The following NRG3 variants were observed in gnomAD, a reference collection of about 807,000 sequenced individuals.
NRG3 encodes the protein pro-neuregulin-3, membrane-bound isoform.
Under a neutral mutation model 66.9 loss-of-function variants are expected in NRG3, and 31 were observed. That is an observed-to-expected ratio of 0.46 (90% CI 0.35 to 0.63). The LOEUF (loss-of-function observed/expected upper bound fraction) is 0.63, where lower values mean the gene tolerates loss of function less well. Among genes scored for constraint, NRG3 ranks in the 20% least tolerant of loss-of-function variants. The pLI is 0.00. For synonymous variants in NRG3, 393 were observed against 359.4 expected (o/e 1.09, Z -1.06); for missense variants, 910 against 878.9 (o/e 1.04, Z -0.45).
At chr10:82,642,814 A>T (rs1448764366) in intron 2 of NRG3, among the ~76,000 whole-genome samples, 1 of 152,040 alleles carries the variant, frequency 6.6e-6, no homozygotes, top group East Asian at 1.9e-4. Flanking sequence ...GTGAACACTG[A>T]ATATTTGATT....
rs1354835159 is a variant in NRG3 at position 81,923,968 on chromosome 10, T to G, written c.823+47805T>G. The stretch of plus-strand genomic sequence containing the variant: ...TAGGCCAGCAGTCTTGTTGTATGTC[T>G]GCAGCACTGAAATAGGTGCTCGTTA... On this transcript the variant is annotated intron_variant, in intron 1 of 8. Coordinates refer to ENST00000372141, the MANE Select transcript of NRG3 (RefSeq NM_001010848.4). Among the ~76,000 whole-genome samples the G allele has an allele frequency of 3.3e-5, 5 of 152,228 alleles. No individual in the cohort carries two copies. In the East Asian group the frequency reaches 9.6e-4, roughly 29 times the overall value.
At chr10:82,844,687 T>C (rs61860665) in intron 3 of NRG3, among the ~76,000 whole-genome samples, 2 of 147,640 alleles carry the variant, frequency 1.4e-5, no homozygotes, top group African/African-American at 2.6e-5. Context: ...TTTTTTTTTT[T>C]CCAAATAAGA....
chr10:82,874,471 A>G (rs1841626908), intron 4 of NRG3, among the ~76,000 whole-genome samples: 1 of 144,200 alleles, frequency 6.9e-6, no homozygotes, highest in African/African-American at 2.9e-5. Context: ...TCATTTGAAT[A>G]TATTATATTT....
intron 1 of NRG3, among the ~76,000 whole-genome samples, chr10:81,929,999 A>G (rs1436588903): frequency 6.6e-6 from 1 of 152,140 alleles, no homozygotes; most frequent in East Asian, 1.9e-4. Flanking sequence ...CTTTCGCACT[A>G]TATCCCAGAG....
chr10:82,628,988 A>G (rs779675733), intron 2 of NRG3, among the ~76,000 whole-genome samples: 3 of 152,302 alleles, frequency 2.0e-5, no homozygotes, highest in Non-Finnish European at 2.9e-5. Flanking sequence ...CTGTCTTCCC[A>G]TAAGGTTTTT....
chr10:82,220,054 T>G (rs749030721), intron 1 of NRG3, among the ~76,000 whole-genome samples: 1 of 151,592 alleles, frequency 6.6e-6, no homozygotes. Flanking sequence ...AAGACGTGAG[T>G]AGAGAAAAAT....
intron 1 of NRG3, among the ~76,000 whole-genome samples, chr10:82,105,683 T>C (rs1429385777): frequency 2.0e-5 from 3 of 152,216 alleles, no homozygotes; most frequent in African/African-American, 7.2e-5. Flanking sequence ...TGTCCATTTT[T>C]CTTCTCTCTG....
chr10:82,366,887 G>A (rs1308571228), intron 2 of NRG3, among the ~76,000 whole-genome samples: 1 of 152,072 alleles, frequency 6.6e-6, no homozygotes, highest in Admixed American at 6.6e-5. Context: ...AATTCTTAAT[G>A]GCATAAAATA....
At chr10:82,134,637 T>A (rs1380571432) in intron 1 of NRG3, among the ~76,000 whole-genome samples, 1 of 152,120 alleles carries the variant, frequency 6.6e-6, no homozygotes, top group Admixed American at 6.6e-5. Context: ...TTTGCATCAG[T>A]ATTATGCTAT....
chr10:82,560,576 A>G (rs2044972422), intron 2 of NRG3, among the ~76,000 whole-genome samples: 4 of 151,018 alleles, frequency 2.6e-5, no homozygotes, highest in Admixed American at 6.6e-5. Flanking sequence ...TAGATTTATT[A>G]TGATATTTTC....
chr10:82,811,072 A>G (rs553102634), intron 3 of NRG3, among the ~76,000 whole-genome samples: 91 of 152,192 alleles, frequency 6.0e-4, no homozygotes, highest in African/African-American at 1.9e-3. Context: ...TCACTTTTTC[A>G]CTGGGGGCTC....
intron 3 of NRG3, among the ~76,000 whole-genome samples, chr10:82,760,999 A>T (rs1036797766): frequency 3.9e-5 from 6 of 151,932 alleles, no homozygotes; most frequent in African/African-American, 1.4e-4. Flanking sequence ...AGAAAAAAAA[A>T]TTCAATAAAT....
intron 2 of NRG3, among the ~76,000 whole-genome samples, chr10:82,692,843 A>G (rs1183100047): frequency 7.3e-6 from 1 of 136,340 alleles, no homozygotes; most frequent in African/African-American, 2.5e-5. Flanking sequence ...CAATATCTTG[A>G]TGTTTAGAAC....
chr10:82,358,428 A>G (rs1265575205), intron 1 of NRG3, among the ~76,000 whole-genome samples: 1 of 152,172 alleles, frequency 6.6e-6, no homozygotes, highest in African/African-American at 2.4e-5. Context: ...TTAAAACTGA[A>G]ATTAATGAGG....
chr10:82,808,829 A>T (rs1302342761), intron 3 of NRG3, among the ~76,000 whole-genome samples: 2 of 152,212 alleles, frequency 1.3e-5, no homozygotes, highest in East Asian at 3.8e-4. Context: ...CTGCCATAAT[A>T]TTATGATTAA....
intron 1 of NRG3, among the ~76,000 whole-genome samples, chr10:82,062,654 C>G (rs1366094835): frequency 6.6e-6 from 1 of 150,532 alleles, no homozygotes; most frequent in Non-Finnish European, 1.5e-5. Flanking sequence ...AAGCTGGCTC[C>G]CAGGCAATGG....
chr10:82,101,772 C>T (rs1034368955), intron 1 of NRG3, among the ~76,000 whole-genome samples: 4 of 126,378 alleles, frequency 3.2e-5, no homozygotes, highest in Non-Finnish European at 5.8e-5. Flanking sequence ...GAGAATATTT[C>T]ATGGTTACTT....
At chr10:82,123,509 G>C (rs969983088) in intron 1 of NRG3, among the ~76,000 whole-genome samples, 4 of 152,156 alleles carry the variant, frequency 2.6e-5, no homozygotes, top group Admixed American at 1.3e-4. Flanking sequence ...AGACATAACT[G>C]TTCAGCATCT....
chr10:82,765,833 T>G (rs2059493856), intron 3 of NRG3, among the ~76,000 whole-genome samples: 1 of 152,186 alleles, frequency 6.6e-6, no homozygotes, highest in Non-Finnish European at 1.5e-5. Flanking sequence ...ATCATCTATA[T>G]GAACATGATT....
Sources: allele counts gnomAD v4.1 joint callset (sites outside exome capture counted in the v4.1 genomes callset), GRCh38; gene constraint gnomAD v4.1.1; transcripts MANE v1.5; gene names NCBI Gene and HGNC (gene_info 2026-07-23, HGNC 2026-07-21).